The following FOCAD variants were observed in gnomAD, a reference collection of about 807,000 sequenced individuals.
FOCAD encodes the protein KIAA1797.
Under a neutral mutation model 225.6 loss-of-function variants are expected in FOCAD, and 198 were observed. The observed-to-expected ratio is 0.88, with a 90% CI of 0.78 to 0.99. FOCAD has a LOEUF of 0.99. Ranked by LOEUF, FOCAD falls within the 50% of genes least tolerant of loss-of-function variation. The pLI, the probability that FOCAD is intolerant of heterozygous loss-of-function variation, is 0.00. For synonymous variants in FOCAD, 897 were observed against 755.0 expected, an observed-to-expected ratio of 1.19 and a Z score of -3.08; for missense variants, 2,713 against 2,123.6, an observed-to-expected ratio of 1.28 and a Z score of -5.46.
At chr9:20,713,489 C>T (rs115763048) in intron 1 of FOCAD, among the ~76,000 whole-genome samples, 2 of 152,140 alleles carry the variant, frequency 1.3e-5, no homozygotes, top group Admixed American at 6.5e-5. Context: ...GCACTTCTCC[C>T]ATTTCTCATC....
At chr9:20,717,059 T>G (rs575612687) in intron 2 of FOCAD, among the ~76,000 whole-genome samples, 118 of 152,330 alleles carry the variant, frequency 7.7e-4, no homozygotes, top group Non-Finnish European at 1.5e-3. Context: ...ACTATTCCTT[T>G]TACTAGGAGA....
chr9:20,948,314 T>G lies in FOCAD; in HGVS notation c.3719T>G (p.Leu1240Trp). The G allele has an allele frequency of 6.2e-7, 1 of 1,612,590 alleles. No homozygotes were observed. The highest frequency in any genetic ancestry group is 8.5e-7 in the Non-Finnish European group (1 of 1,178,932). The stretch of plus-strand genomic sequence containing the variant: ...GCTTTAGGAAACATAGTTCATGGAT[T>G]GTCTGTGTGTGGACATGGAAAAGCT... ...ALALGNIVHG[L>W]SVCGHGKAED... is the part of the protein sequence containing the mutation. The change falls in exon 31 of 44, where the codon TTG becomes TGG. Residue 1240 changes from leucine (L) to tryptophan (W), a missense_variant. Physicochemically the swap from Leu to Trp is moderately conservative, Grantham distance 61. Transcript: ENST00000338382.
intron 43 of FOCAD, among the ~76,000 whole-genome samples, 166 bp downstream of exon 43, chr9:20,993,494 C>T (rs552936475): frequency 6.6e-6 from 1 of 152,290 alleles, no homozygotes; most frequent in South Asian, 2.1e-4. Context: ...TATATTTGAA[C>T]ATACATAAGG....
At chr9:20,861,177 A>G (rs896141843) in intron 15 of FOCAD, among the ~76,000 whole-genome samples, 9 of 152,322 alleles carry the variant, frequency 5.9e-5, no homozygotes, top group Middle Eastern at 3.4e-3. Flanking sequence ...AAGTCATATC[A>G]TATACCTTTT....
At chr9:20,758,027 T>G in intron 5 of FOCAD, 63 bp from the exon 6 acceptor site, 2 of 1,063,748 alleles carry the variant, frequency 1.9e-6, no homozygotes, top group Non-Finnish European at 2.8e-6. Context: ...GCTGCTATAT[T>G]TGGATATTGA....
chr9:20,938,766 T>A (rs1836299020), intron 28 of FOCAD, among the ~76,000 whole-genome samples: 1 of 151,988 alleles, frequency 6.6e-6, no homozygotes, highest in Admixed American at 6.6e-5. Context: ...TAAAAAAAGA[T>A]TATCTTACCA....
chr9:20,799,166 T>A (rs973522867), intron 11 of FOCAD, among the ~76,000 whole-genome samples: 1 of 152,192 alleles, frequency 6.6e-6, no homozygotes, highest in Non-Finnish European at 1.5e-5. Flanking sequence ...TTTGAGTGAG[T>A]TTCTTAATCC....
At chr9:20,953,177 T>G (rs2132393370) in intron 35 of FOCAD, 112 bp downstream of exon 35, 2 of 841,514 alleles carry the variant, frequency 2.4e-6, no homozygotes, top group East Asian at 5.4e-5. Flanking sequence ...TCTGAAGGGG[T>G]GAATATTTTC....
intron 15 of FOCAD, among the ~76,000 whole-genome samples, chr9:20,844,485 C>T (rs1010194616): frequency 1.3e-5 from 2 of 150,936 alleles, no homozygotes; most frequent in South Asian, 2.1e-4. Context: ...CTCAGCCTCC[C>T]GAGTAGCTGG....
intron 1 of FOCAD, among the ~76,000 whole-genome samples, chr9:20,702,122 C>G (rs904103263): frequency 2.0e-5 from 3 of 150,014 alleles, no homozygotes; most frequent in African/African-American, 7.6e-5. Context: ...TTATTATTAG[C>G]TATAGGGCAT....
chr9:20,742,033 A>C (rs191995519), intron 5 of FOCAD, among the ~76,000 whole-genome samples: 2 of 152,156 alleles, frequency 1.3e-5, no homozygotes, highest in Admixed American at 1.3e-4. Flanking sequence ...CCATTCACAA[A>C]GTTATGCCAC....
intron 2 of FOCAD, among the ~76,000 whole-genome samples, chr9:20,669,641 G>C (rs139285356): frequency 8.1e-4 from 123 of 152,218 alleles, no homozygotes; most frequent in African/African-American, 2.9e-3. Flanking sequence ...GGGCATGGTG[G>C]TAAGCACCCT....
chr9:20,907,675 A>G (rs189830866), intron 22 of FOCAD, among the ~76,000 whole-genome samples: 30 of 152,128 alleles, frequency 2.0e-4, no homozygotes, highest in Non-Finnish European at 3.8e-4. Context: ...TTGTTTTCCT[A>G]AACTCAGCAT....
At chr9:20,926,868 C>T (rs1292017890) in intron 26 of FOCAD, among the ~76,000 whole-genome samples, 1 of 150,668 alleles carries the variant, frequency 6.6e-6, no homozygotes, top group East Asian at 1.9e-4. Context: ...GTTAGAATCA[C>T]CTGGGGAACT....
In FOCAD at chr9:20,879,982, C is replaced by G. The variant is rs531232528; in HGVS notation, c.2318-1889C>G. On this transcript the variant is annotated intron_variant, in intron 19 of 43. Transcript: ENST00000338382. ...ATTACTTTCTTTCATCATAGTGCCT[C>G]TACCCTCACAAACAGTTGATTCATA... Among the ~76,000 whole-genome samples, 17 of 152,320 alleles carry G rather than the reference C, an allele frequency of 1.1e-4. No individual in the cohort carries two copies. In the South Asian group the frequency reaches 3.3e-3, roughly 30 times the overall value.
At chr9:20,740,363 T>TG in intron 5 of FOCAD, 23 bp downstream of exon 5, 1 of 1,324,678 alleles carries the variant, frequency 7.5e-7, no homozygotes, top group South Asian at 1.3e-5. Flanking sequence ...TCTGTTTTTT[T>TG]TTTAAACAAA....
At chr9:20,963,560 T>G (rs1266962707) in intron 35 of FOCAD, among the ~76,000 whole-genome samples, 1 of 152,202 alleles carries the variant, frequency 6.6e-6, no homozygotes, top group East Asian at 1.9e-4. Flanking sequence ...TAAGTAGAAA[T>G]CTATTTATGA....
At chr9:20,867,874 G>A (rs913480830) in intron 18 of FOCAD, among the ~76,000 whole-genome samples, 2 of 152,028 alleles carry the variant, frequency 1.3e-5, no homozygotes, top group African/African-American at 4.8e-5. Context: ...TTTTCTTCTG[G>A]ATTGCGTTTA....
chr9:20,703,654 A>G (rs866744846), intron 1 of FOCAD, among the ~76,000 whole-genome samples: 1 of 151,780 alleles, frequency 6.6e-6, no homozygotes, highest in Non-Finnish European at 1.5e-5. Flanking sequence ...CATTAAAACA[A>G]TTTTTCTACT....
Sources: allele counts gnomAD v4.1 joint callset (sites outside exome capture counted in the v4.1 genomes callset), GRCh38; gene constraint gnomAD v4.1.1; transcripts MANE v1.5; gene names NCBI Gene and HGNC (gene_info 2026-07-23, HGNC 2026-07-21).